CABIN1: variants seen among roughly 807,000 people sequenced by gnomAD.
CABIN1 encodes the protein calcineurin-binding protein cabin-1.
A neutral mutation model predicts 227.7 loss-of-function variants in CABIN1; 133 were observed. That is an observed-to-expected ratio of 0.58 (90% CI 0.51 to 0.67). The LOEUF (loss-of-function observed/expected upper bound fraction) is 0.67. Ranked by LOEUF, CABIN1 falls within the 30% of genes least tolerant of loss-of-function variation. The pLI, the probability that CABIN1 is intolerant of heterozygous loss-of-function variation, is 0.00. For missense variants in CABIN1, 2,408 were observed against 2,852.5 expected, an observed-to-expected ratio of 0.84 and a Z score of 3.55; for synonymous variants, 1,086 against 1,155.1, an observed-to-expected ratio of 0.94 and a Z score of 1.21.
chr22:24,136,834 A>G (rs1026524784), intron 29 of CABIN1, among the ~76,000 whole-genome samples: 2 of 151,864 alleles, frequency 1.3e-5, no homozygotes, highest in Non-Finnish European at 2.9e-5. Flanking sequence ...TTTAACTTCT[A>G]TGCAAATTTC....
chr22:24,114,358 G>A (rs1415660746), intron 27 of CABIN1, among the ~76,000 whole-genome samples: 1 of 151,984 alleles, frequency 6.6e-6, no homozygotes, highest in East Asian at 1.9e-4. Context: ...AGGTGTGGCT[G>A]GTCAGCTATA....
intron 1 of CABIN1, among the ~76,000 whole-genome samples, chr22:24,022,091 T>C (rs961129056): frequency 6.6e-6 from 1 of 152,254 alleles, no homozygotes; most frequent in Non-Finnish European, 1.5e-5. Context: ...CTATTTTTTT[T>C]AACAAATTGT....
rs1291034761 is a variant in CABIN1 at position 24,083,241 on chromosome 22, A to G, written c.2762A>G (p.Gln921Arg). The G allele has an allele frequency of 1.9e-6, 3 of 1,612,354 alleles. No homozygotes were observed. Among genetic ancestry groups the G allele is most frequent in the Admixed American group, 1.7e-5 (1 of 60,008 alleles). ...ALLRFYVRVL[Q>R]KELAASTSED... is the part of the protein sequence containing the mutation. ...TGCCCACCACAGGTGCGAGTACTCC[A>G]GAAGGAACTGGCTGCATCCACCTCT... The change falls in exon 20 of 37, where the codon CAG (glutamine) becomes CGG (arginine). Residue 921 changes from glutamine (Q) to arginine (R), a missense_variant. Physicochemically the swap from Gln to Arg is conservative, Grantham distance 43. Around this residue, in one of 3 missense-constraint regions of CABIN1, gnomAD observed 1,045 missense variants for 1,168.4 expected, o/e 0.89. Transcript: ENST00000263119.
intron 34 of CABIN1, among the ~76,000 whole-genome samples, chr22:24,172,200 C>T (rs1343422954): frequency 6.6e-6 from 1 of 152,242 alleles, no homozygotes; most frequent in Non-Finnish European, 1.5e-5. Context: ...CCTACATCTA[C>T]CACTCTTAAC....
At chr22:24,112,259 T>G (rs2042850065) in intron 26 of CABIN1, among the ~76,000 whole-genome samples, 1 of 152,220 alleles carries the variant, frequency 6.6e-6, no homozygotes, top group Non-Finnish European at 1.5e-5. Context: ...CTTCCCTCTT[T>G]TGTTTCTAGG....
chr22:24,169,472 G>T (rs550515622), intron 33 of CABIN1, among the ~76,000 whole-genome samples: 2 of 152,198 alleles, frequency 1.3e-5, no homozygotes, highest in Non-Finnish European at 2.9e-5. Flanking sequence ...AGCCCTCGAG[G>T]TTCAGCTTTG....
At chr22:24,035,336 C>T in intron 1 of CABIN1, 108 bp from the exon 2 acceptor site, 1 of 738,468 alleles carries the variant, frequency 1.4e-6, no homozygotes, top group Non-Finnish European at 2.4e-6. Context: ...TCTTCACTGG[C>T]CTGTCTGCAT....
At chr22:24,094,539 C>G (rs746978134) in intron 24 of CABIN1, among the ~76,000 whole-genome samples, 1 of 152,078 alleles carries the variant, frequency 6.6e-6, no homozygotes, top group South Asian at 2.1e-4. Flanking sequence ...CATTTCTGGC[C>G]GGGCGCGGTG....
At chr22:24,155,851 G>GCGGTCCACAGCCCGCCAC in intron 29 of CABIN1, 1 of 428,800 alleles carries the variant, frequency 2.3e-6, no homozygotes, top group Non-Finnish European at 4.2e-6. Context: ...TTGCCCGGCA[G>GCGGTCCACAGCCCGCCAC]CGGTCCACAG....
chr22:24,096,089 A>G lies in CABIN1; in HGVS notation c.3938+7A>G. 1.2e-6 allele frequency: 2 copies of G among 1,613,998 alleles called. No homozygotes were observed. The highest frequency in any genetic ancestry group is 1.7e-6 in the Non-Finnish European group (2 of 1,179,948). On this transcript the variant is annotated splice_region_variant and intron_variant, in intron 25 of 36. Transcript: ENST00000263119. ...CACCCAAAGCTTCAGAAAAGTGAGT[A>G]GCACCCTTCAGGCGACCCCTAGCAG...
intron 33 of CABIN1, 63 bp downstream of exon 33, chr22:24,168,584 G>C (rs1602473055): frequency 1.5e-6 from 2 of 1,298,352 alleles, no homozygotes; most frequent in Admixed American, 2.0e-5. Context: ...CAAGGCCCTA[G>C]GATGCAGGCT....
In CABIN1 at chr22:24,084,740, T is replaced by G. The variant is rs2041034848; in HGVS notation, c.3072T>G (p.Leu1024=). Residue 1024 remains leucine (L), a synonymous_variant, in exon 21 of 37, where the codon CTT becomes CTG. Coordinates refer to ENST00000263119, the MANE Select transcript of CABIN1 (RefSeq NM_012295.4). The part of the protein sequence containing the change: ...TIVPRTERPA[L]SLDKVSAYIE... ...TGCCTCGCACAGAGAGGCCAGCCCT[T>G]AGCCTGGACAAAGTCTCTGCCTACA... is the stretch of plus-strand genomic sequence containing the variant. 1 of 1,614,236 alleles carries G rather than the reference T, an allele frequency of 6.2e-7. No individual in the cohort carries two copies. The highest frequency in any genetic ancestry group is 8.5e-7 in the Non-Finnish European group (1 of 1,180,036).
At chr22:24,111,447 C>T (rs1441877776) in intron 26 of CABIN1, among the ~76,000 whole-genome samples, 4 of 152,136 alleles carry the variant, frequency 2.6e-5, no homozygotes, top group Admixed American at 6.5e-5. Context: ...GAGCGTGAAC[C>T]CTATTGTGAA....
At chr22:24,035,261 G>C (rs987197863) in intron 1 of CABIN1, among the ~76,000 whole-genome samples, 183 bp from the exon 2 acceptor site, 5 of 152,192 alleles carry the variant, frequency 3.3e-5, no homozygotes, top group African/African-American at 1.2e-4. Context: ...AGGAAATGAT[G>C]AATGCTATCG....
At chr22:24,021,949 T>C (rs758065416) in intron 1 of CABIN1, among the ~76,000 whole-genome samples, 13 of 152,226 alleles carry the variant, frequency 8.5e-5, no homozygotes, top group Non-Finnish European at 7.3e-5. Flanking sequence ...CCTCCCAAAG[T>C]GCTGGGATTA....
chr22:24,027,380 A>G (rs2036170423), intron 1 of CABIN1, among the ~76,000 whole-genome samples: 1 of 152,232 alleles, frequency 6.6e-6, no homozygotes, highest in Admixed American at 6.5e-5. Context: ...TTCTTGCCTT[A>G]ACGTAGTAGC....
chr22:24,055,006 A>G lies in CABIN1; in HGVS notation c.940A>G (p.Met314Val), dbSNP rs1281114471. ...QDPSQPLESS[M>V]VVTPVNVIQP... ...CCCCAGCCAGCCTCTTGAGTCCTCC[A>G]TGGTGGTGACGCCAGTTAACGTGAT... Residue 314 changes from methionine to valine, a missense_variant, in exon 9 of 37, where the codon ATG becomes GTG. By Grantham distance (21) the Met-to-Val change is conservative. This residue lies in a region of CABIN1 where 1,045 missense variants were observed against 1,168.4 expected (regional missense o/e 0.89). Coordinates refer to ENST00000263119, the MANE Select transcript of CABIN1 (RefSeq NM_012295.4). 6.2e-6 allele frequency: 10 copies of G among 1,614,102 alleles called. No homozygotes were observed. The highest frequency in any genetic ancestry group is 1.3e-5 in the African/African-American group (1 of 74,938).
At chr22:24,121,953 T>G (rs1337039649) in intron 28 of CABIN1, among the ~76,000 whole-genome samples, 1 of 152,190 alleles carries the variant, frequency 6.6e-6, no homozygotes, top group East Asian at 1.9e-4. Flanking sequence ...AGATGGAATT[T>G]CGGGTACAAA....
intron 18 of CABIN1, 61 bp from the exon 19 acceptor site, chr22:24,076,108 C>T (rs1034336484): frequency 8.3e-7 from 1 of 1,205,280 alleles, no homozygotes; most frequent in Admixed American, 1.7e-5. Context: ...AGCCTCGCAG[C>T]CCCTGCAGGC....
Sources: allele counts gnomAD v4.1 joint callset (sites outside exome capture counted in the v4.1 genomes callset), GRCh38; gene constraint gnomAD v4.1.1; regional missense constraint gnomAD v4.1.1; transcripts MANE v1.5; gene names NCBI Gene and HGNC (gene_info 2026-07-23, HGNC 2026-07-21).